FTO: variants seen among roughly 807,000 people sequenced by gnomAD.
FTO encodes FTO alpha-ketoglutarate dependent dioxygenase.
FTO carries 47 observed loss-of-function variants against 63.9 expected under a neutral mutation model. The observed-to-expected ratio is 0.74, with a 90% confidence interval of 0.58 to 0.94. The LOEUF is 0.94. FTO is among the 40% of genes least tolerant of loss of function. FTO has a pLI of 0.00. For missense variants in FTO, 562 were observed against 618.1 expected, an observed-to-expected ratio of 0.91 and a Z score of 0.96; for synonymous variants, 207 against 224.4, an observed-to-expected ratio of 0.92 and a Z score of 0.69.
chr16:53,889,084 A>T (rs2081082223), intron 7 of FTO, 133 bp downstream of exon 7: 1 of 1,070,522 alleles, frequency 9.3e-7, no homozygotes, highest in Admixed American at 1.8e-5. Context: ...TGGTAAGGTG[A>T]TGGGTATAGC....
chr16:53,826,325 C>G lies in FTO; in HGVS notation c.585C>G (p.Ser195Arg). The change falls in exon 3 of 9, where the codon AGC (serine) becomes AGG (arginine). Residue 195 changes from serine to arginine, a missense_variant. Ser to Arg is a moderately radical substitution (Grantham distance 110). Coordinates refer to ENST00000471389, the MANE Select transcript of FTO (RefSeq NM_001080432.3). Reference sequence around the variant, plus strand: ...GACAAGATGAAGTGGACATTAAGAGCAGAGCAGCATACAACGTAACTTTGC... The same window carrying G: ...GACAAGATGAAGTGGACATTAAGAGGAGAGCAGCATACAACGTAACTTTGC... ...YNGQDEVDIK[S>R]RAAYNVTLLN... 1 of 1,614,132 alleles carries G rather than the reference C, an allele frequency of 6.2e-7. No homozygotes were observed. Among genetic ancestry groups the G allele is most frequent in the East Asian group, 2.2e-5 (1 of 44,870 alleles).
chr16:53,777,938 A>T (rs777383626), intron 1 of FTO, among the ~76,000 whole-genome samples: 1 of 152,168 alleles, frequency 6.6e-6, no homozygotes, highest in African/African-American at 2.4e-5. Context: ...TCAGCCCAGA[A>T]CTCAAATCAC....
chr16:54,119,445 C>G lies in FTO; in HGVS notation c.*7530C>G, dbSNP rs577582836. 6 of 152,386 alleles carry G rather than the reference C, an allele frequency of 3.9e-5. No homozygotes were observed. Among genetic ancestry groups the G allele is most frequent in the African/African-American group, 1.4e-4 (6 of 41,558 alleles). 9.4% of individuals were successfully genotyped at this position (152,386 alleles called of 1,614,324 possible). On this transcript the variant is annotated 3_prime_UTR_variant, in exon 9 of 9. Transcript: ENST00000471389. Reference sequence around the variant, plus strand: ...CTGGTCACCTTCCTTCCCCCTGCCCCCAACTCTGCAGACAGAGGTTTCCCG... The same window carrying G: ...CTGGTCACCTTCCTTCCCCCTGCCCGCAACTCTGCAGACAGAGGTTTCCCG...
chr16:53,948,607 G>A, intron 8 of FTO, among the ~76,000 whole-genome samples: 1 of 152,236 alleles, frequency 6.6e-6, no homozygotes, highest in South Asian at 2.1e-4. Context: ...TTGCGAGGAG[G>A]CAGGATCTAT....
chr16:53,869,453 A>G (rs1312153019), intron 4 of FTO, among the ~76,000 whole-genome samples: 3 of 150,710 alleles, frequency 2.0e-5, no homozygotes, highest in African/African-American at 7.3e-5. Flanking sequence ...TATTGCTTCT[A>G]ATTTTCTTCT....
intron 8 of FTO, among the ~76,000 whole-genome samples, chr16:54,110,043 A>G (rs1382189623): frequency 2.0e-5 from 3 of 152,168 alleles, no homozygotes; most frequent in Admixed American, 1.3e-4. Flanking sequence ...GTTCCTTTGT[A>G]ATTAGTCGCA....
intron 1 of FTO, among the ~76,000 whole-genome samples, chr16:53,756,427 C>T (rs2076925701): frequency 6.6e-6 from 1 of 152,180 alleles, no homozygotes; most frequent in Non-Finnish European, 1.5e-5. Context: ...TGTCAAGTCT[C>T]TATTCAGTGC....
At chr16:53,917,720 G>GTGTT (rs2081909140) in intron 7 of FTO, among the ~76,000 whole-genome samples, 1 of 151,146 alleles carries the variant, frequency 6.6e-6, no homozygotes, top group Non-Finnish European at 1.5e-5. Context: ...GTGTGTGTGT[G>GTGTT]TGTGTGTGTG....
chr16:53,744,236 C>A (rs889948980), intron 1 of FTO, among the ~76,000 whole-genome samples: 3 of 152,154 alleles, frequency 2.0e-5, no homozygotes, highest in Non-Finnish European at 4.4e-5. Context: ...GAACATTCTT[C>A]TTCTTCAATT....
chr16:53,883,989 A>G (rs2080931384), intron 6 of FTO, among the ~76,000 whole-genome samples: 1 of 152,138 alleles, frequency 6.6e-6, no homozygotes, highest in African/African-American at 2.4e-5. Context: ...GAGTTCTCCC[A>G]GTTTCTTTCT....
At chr16:53,772,057 A>C (rs912510007) in intron 1 of FTO, among the ~76,000 whole-genome samples, 44 of 152,084 alleles carry the variant, frequency 2.9e-4, no homozygotes, top group African/African-American at 1.0e-3. Flanking sequence ...AACTCTATGA[A>C]TATACTTTCT....
intron 8 of FTO, among the ~76,000 whole-genome samples, chr16:54,027,454 C>T (rs1260770464): frequency 1.3e-5 from 2 of 151,586 alleles, no homozygotes; most frequent in African/African-American, 2.4e-5. Flanking sequence ...TCAGACAAAG[C>T]GAAAAGAAAA....
intron 8 of FTO, among the ~76,000 whole-genome samples, chr16:54,084,087 A>T (rs749534221): frequency 7.9e-5 from 12 of 152,220 alleles, no homozygotes; most frequent in Non-Finnish European, 1.6e-4. Flanking sequence ...AGTATAATGC[A>T]AATATTCCCA....
chr16:53,806,465 CA>C (rs2151727460), intron 1 of FTO, among the ~76,000 whole-genome samples: 1 of 152,264 alleles, frequency 6.6e-6, no homozygotes, highest in East Asian at 1.9e-4. Context: ...TTTCTGTATG[CA>C]AATACAAGCA....
intron 3 of FTO, among the ~76,000 whole-genome samples, chr16:53,831,457 G>GT (rs894736678): frequency 2.1e-4 from 3 of 14,598 alleles, no homozygotes; most frequent in Admixed American, 5.3e-4. Context: ...GAAGACCAAA[G>GT]GGGGGGAAAA....
chr16:53,787,476 A>G (rs985114261), intron 1 of FTO, among the ~76,000 whole-genome samples: 1 of 151,982 alleles, frequency 6.6e-6, no homozygotes, highest in Non-Finnish European at 1.5e-5. Context: ...GATTTTAAGC[A>G]TTAAGTATGG....
At chr16:53,984,719 T>G (rs1363855114) in intron 8 of FTO, among the ~76,000 whole-genome samples, 2 of 152,162 alleles carry the variant, frequency 1.3e-5, no homozygotes, top group Non-Finnish European at 2.9e-5. Context: ...GTGTCCCTAC[T>G]GCAGTCAAAC....
intron 2 of FTO, among the ~76,000 whole-genome samples, chr16:53,820,628 C>G (rs1258589333): frequency 2.0e-5 from 3 of 146,682 alleles, no homozygotes; most frequent in African/African-American, 5.0e-5. Flanking sequence ...ATCCCTCCCC[C>G]TCCCCCCACC....
At chr16:54,006,321 T>C (rs1302490337) in intron 8 of FTO, among the ~76,000 whole-genome samples, 2 of 152,222 alleles carry the variant, frequency 1.3e-5, no homozygotes, top group Non-Finnish European at 2.9e-5. Flanking sequence ...TAAGTAAGAA[T>C]TCTGTTTCTA....
Sources: gnomAD v4.1 joint callset for allele counts (sites outside exome capture counted in the v4.1 genomes callset) on GRCh38, gnomAD v4.1.1 for gene constraint, MANE v1.5 for transcripts, NCBI Gene and HGNC (gene_info 2026-07-23, HGNC 2026-07-21) for gene names.